The following PADI6 variants were observed in gnomAD, a reference collection of about 807,000 sequenced individuals.
PADI6 encodes the protein peptidyl arginine deiminase 6.
In PADI6, 66 loss-of-function variants were observed where a neutral mutation model predicts 78.2. The observed-to-expected ratio is 0.84, with a 90% CI of 0.69 to 1.04. PADI6 has a LOEUF of 1.04. PADI6 is among the 50% of genes least tolerant of loss of function. The probability of loss-of-function intolerance (pLI) is 0.00; values close to 1 mark genes in which losing one functional copy is unlikely to be tolerated. For missense variants in PADI6, 854 were observed against 866.1 expected (o/e 0.99, Z 0.18); for synonymous variants, 397 against 346.9 (o/e 1.14, Z -1.60).
chr1:17,379,865 T>C, intron 3 of PADI6, 55 bp from the exon 4 acceptor site: 1 of 1,524,014 alleles, frequency 6.6e-7, no homozygotes, highest in South Asian at 1.1e-5. Flanking sequence ...CCTATAACTT[T>C]GAGGTTCCAT....
chr1:17,398,333 C>T (rs548258742), intron 14 of PADI6, among the ~76,000 whole-genome samples: 1 of 152,188 alleles, frequency 6.6e-6, no homozygotes, highest in East Asian at 1.9e-4. Context: ...TATTTCAAGA[C>T]CTAGGGAGAC....
chr1:17,400,971 G>A (rs556718275), intron 15 of PADI6, among the ~76,000 whole-genome samples: 52 of 152,306 alleles, frequency 3.4e-4, no homozygotes, highest in Admixed American at 2.0e-3. Context: ...CAGAATAATC[G>A]AAACGTAGAA....
At chr1:17,375,160 A>C (rs2075002710) in intron 2 of PADI6, among the ~76,000 whole-genome samples, 1 of 152,162 alleles carries the variant, frequency 6.6e-6, no homozygotes, top group African/African-American at 2.4e-5. Context: ...CCCCGCCATC[A>C]GGGATACAGC....
Position 17,395,110 on chromosome 1 carries a change from C to T in PADI6, c.1494+3C>T, listed in dbSNP as rs1490654055. 9.9e-6 allele frequency: 16 copies of T among 1,613,324 alleles called. No homozygotes were observed. Among genetic ancestry groups the T allele is most frequent in the East Asian group, 2.2e-5 (1 of 44,896 alleles). ...ATGACAAGAATGAGGGCAAAAAGGT[C>T]TGCTTTGGGGTCTGGAGAAGGGACA... On this transcript the variant is annotated splice_donor_region_variant and intron_variant, in intron 12 of 15. Coordinates refer to ENST00000619609, the MANE Select transcript of PADI6 (RefSeq NM_207421.4).
chr1:17,398,358 A>G (rs1256748698), intron 14 of PADI6, among the ~76,000 whole-genome samples: 2 of 152,062 alleles, frequency 1.3e-5, no homozygotes, highest in African/African-American at 2.4e-5. Context: ...GTGTTGGGTT[A>G]TGTCTGAAGC....
intron 3 of PADI6, among the ~76,000 whole-genome samples, chr1:17,379,247 G>A (rs1381423512): frequency 6.7e-6 from 1 of 148,496 alleles, no homozygotes; most frequent in Non-Finnish European, 1.5e-5. Context: ...CCGAGAAGCT[G>A]GGACTACAGG....
intron 14 of PADI6, among the ~76,000 whole-genome samples, chr1:17,398,291 A>T (rs931176217): frequency 2.0e-5 from 3 of 152,148 alleles, no homozygotes; most frequent in Non-Finnish European, 4.4e-5. Flanking sequence ...CCCTGGCGAC[A>T]GCTTAGGTGT....
At chr1:17,376,224 C>T (rs1362928911) in intron 3 of PADI6, among the ~76,000 whole-genome samples, 3 of 151,948 alleles carry the variant, frequency 2.0e-5, no homozygotes, top group East Asian at 1.9e-4. Flanking sequence ...CCACCTGCCT[C>T]GGCCTCCCCA....
At chr1:17,393,892 G>A (rs909944646) in intron 9 of PADI6, 83 bp from the exon 10 acceptor site, 4 of 1,244,884 alleles carry the variant, frequency 3.2e-6, no homozygotes, top group Admixed American at 1.8e-5. Context: ...AGGAAGGAAG[G>A]GGGTTCTTAC....
chr1:17,375,975 C>CTTTTTTTTTTTTTT (rs575076756), intron 3 of PADI6, among the ~76,000 whole-genome samples: 12 of 150,230 alleles, frequency 8.0e-5, no homozygotes, highest in African/African-American at 2.7e-4. Context: ...ATAACATCTA[C>CTTTTTTTTTTTTTT]TTTTTTTTTC....
rs1166754085 is a variant in PADI6, at chr1:17,401,625, G to A, written c.*187G>A. The A allele has an allele frequency of 8.3e-6, 5 of 604,848 alleles. No homozygotes were observed. Among genetic ancestry groups the A allele is most frequent in the East Asian group, 5.6e-5 (2 of 35,754 alleles). 37.5% of individuals were successfully genotyped at this position (604,848 alleles called of 1,614,324 possible). A position where few individuals can be genotyped will look rare whatever the true frequency, so the allele number is the denominator to read the frequency against. On this transcript the variant is annotated 3_prime_UTR_variant, in exon 16 of 16. Transcript: ENST00000619609. ...AAATGCCGCCAGCTTGAACCCCTAT[G>A]GGGAAAAGATGCAAAAGTGTTCAGC... is the stretch of plus-strand genomic sequence containing the variant.
At chr1:17,399,077 CCCTGGGCCAGGT>C (rs1288886051) in intron 15 of PADI6, among the ~76,000 whole-genome samples, 1 of 152,128 alleles carries the variant, frequency 6.6e-6, no homozygotes, top group Non-Finnish European at 1.5e-5. Context: ...ATGGGCCAGG[CCCTGGGCCAGGT>C]GCTTTAGGAG....
intron 2 of PADI6, among the ~76,000 whole-genome samples, chr1:17,373,961 T>C (rs931897740): frequency 4.6e-5 from 7 of 152,066 alleles, no homozygotes; most frequent in Non-Finnish European, 8.8e-5. Context: ...GGTTCTCCTG[T>C]GGTAGAAGCA....
Position 17,401,198 on chromosome 1 carries a change from C to T in PADI6, c.1852-7C>T. ...TCCAGGCCTCACCCACCCTGTCTTT[C>T]TAACAGTTGCGGATGATTGTGATGG... On this transcript the variant is annotated splice_polypyrimidine_tract_variant and splice_region_variant and intron_variant, in intron 15 of 15. Coordinates refer to ENST00000619609, the MANE Select transcript of PADI6 (RefSeq NM_207421.4). 1 of 1,613,510 alleles carries T rather than the reference C, an allele frequency of 6.2e-7. No individual in the cohort carries two copies. Among genetic ancestry groups the T allele is most frequent in the South Asian group, 1.1e-5 (1 of 91,064 alleles).
In PADI6 at chr1:17,397,168, C is replaced by A. The variant is rs1354853010; in HGVS notation, c.1689+27C>A. 1.9e-6 allele frequency: 3 copies of A among 1,611,754 alleles called. No homozygotes were observed. In the African/African-American group the frequency reaches 4.0e-5, roughly 22 times the overall value. ...TAGGACCAGTGTGAAGGGGGCCATC[C>A]CCAAGAAAGAGCTGGTGCCGCAGGT... is the stretch of plus-strand genomic sequence containing the variant. On this transcript the variant is annotated intron_variant, in intron 14 of 15. Transcript: ENST00000619609.
intron 6 of PADI6, among the ~76,000 whole-genome samples, chr1:17,384,959 G>GT (rs1355400564): frequency 1.3e-5 from 2 of 152,238 alleles, no homozygotes; most frequent in African/African-American, 4.8e-5. Context: ...TCTGAAGCTG[G>GT]TAGTACACGG....
chr1:17,390,923 A>T (rs1570142689), intron 8 of PADI6, among the ~76,000 whole-genome samples: 1 of 152,318 alleles, frequency 6.6e-6, no homozygotes, highest in Middle Eastern at 3.4e-3. Context: ...GCTGCATATG[A>T]CCTGCAAGAC....
intron 2 of PADI6, among the ~76,000 whole-genome samples, chr1:17,373,483 A>ATTATTTATTATTTATTTTTT (rs1421805904): frequency 3.4e-5 from 5 of 146,288 alleles, no homozygotes; most frequent in African/African-American, 1.3e-4. Context: ...TTTATTTTTT[A>ATTATTTATTATTTATTTTTT]TTTTCATTTA....
chr1:17,377,856 G>A (rs1431503940), intron 3 of PADI6, among the ~76,000 whole-genome samples: 1 of 152,170 alleles, frequency 6.6e-6, no homozygotes, highest in Admixed American at 6.5e-5. Flanking sequence ...CAGCCAGAGT[G>A]GTACATCTTT....
Sources: gnomAD v4.1 joint callset for allele counts (sites outside exome capture counted in the v4.1 genomes callset) on GRCh38, gnomAD v4.1.1 for gene constraint, MANE v1.5 for transcripts, NCBI Gene and HGNC (gene_info 2026-07-23, HGNC 2026-07-21) for gene names.